FLT3: variants seen among roughly 807,000 people sequenced by gnomAD.
The protein encoded by FLT3 is receptor-type tyrosine-protein kinase FLT3.
In FLT3, 46 loss-of-function variants were observed where a neutral mutation model predicts 126.6. The ratio of observed to expected loss-of-function variants is 0.36; its 90% CI spans 0.29 to 0.46. FLT3 has a LOEUF of 0.46. Ranked by LOEUF, FLT3 falls within the 20% of genes least tolerant of loss-of-function variation. The pLI, the probability that FLT3 is intolerant of heterozygous loss-of-function variation, is 1.00. For missense variants in FLT3, 1,069 were observed against 1,190.3 expected (o/e 0.90, Z 1.50); for synonymous variants, 404 against 434.4 (o/e 0.93, Z 0.87).
At chr13:28,094,242 T>G (rs781712587) in intron 1 of FLT3, among the ~76,000 whole-genome samples, 1 of 152,142 alleles carries the variant, frequency 6.6e-6, no homozygotes, top group East Asian at 1.9e-4. Flanking sequence ...AAAGCATAAC[T>G]CAAATAACAA....
At chr13:28,050,246 T>C in intron 5 of FLT3, 24 bp from the exon 6 acceptor site, 1 of 1,612,432 alleles carries the variant, frequency 6.2e-7, no homozygotes, top group South Asian at 1.1e-5. Flanking sequence ...AGAAGTACCA[T>C]TTGGCTAAAC....
chr13:28,084,046 G>C (rs9554245), intron 1 of FLT3, among the ~76,000 whole-genome samples: 26,416 of 151,578 alleles, frequency 0.17, 2,367 homozygotes, highest in Middle Eastern at 0.27. Context: ...TAAAAGAAAT[G>C]GTGTTTTGCT....
chr13:28,085,115 G>A (rs561111812), intron 1 of FLT3, among the ~76,000 whole-genome samples: 3 of 152,086 alleles, frequency 2.0e-5, no homozygotes, highest in South Asian at 2.1e-4. Flanking sequence ...AGGCCGACAC[G>A]AGCGGATCAC....
At chr13:28,081,549 TAAAG>T (rs1878309021) in intron 1 of FLT3, among the ~76,000 whole-genome samples, 1 of 152,210 alleles carries the variant, frequency 6.6e-6, no homozygotes, top group Admixed American at 6.5e-5. Flanking sequence ...TGTCTGTAAA[TAAAG>T]AGTTTTACAT....
intron 4 of FLT3, among the ~76,000 whole-genome samples, chr13:28,056,883 T>G (rs568489374): frequency 6.6e-6 from 1 of 152,344 alleles, no homozygotes; most frequent in Non-Finnish European, 1.5e-5. Context: ...ATCATTTTCA[T>G]CATCTCAGAA....
In FLT3 at chr13:28,015,630, G is replaced by T. The variant is rs772553557; in HGVS notation, c.2613C>A (p.Val871=). 6 of 1,613,024 alleles carry T rather than the reference G, an allele frequency of 3.7e-6. No individual in the cohort carries two copies. Among genetic ancestry groups the T allele is most frequent in the Non-Finnish European group, 5.1e-6 (6 of 1,179,346 alleles). The change falls in exon 21 of 24, where the codon GTC becomes GTA. Residue 871 remains valine, a synonymous_variant. Coordinates refer to ENST00000241453, the MANE Select transcript of FLT3 (RefSeq NM_004119.3). ...FEGIYTIKSD[V]WSYGILLWEI... is the part of the protein sequence containing the mutation. The stretch of plus-strand genomic sequence containing the variant: ...CCCACAGTAATATTCCATATGACCA[G>T]ACATCACTCTTAATGGTGTAGATGC...
chr13:28,075,495 T>A (rs1593292589), intron 1 of FLT3, among the ~76,000 whole-genome samples: 1 of 151,332 alleles, frequency 6.6e-6, no homozygotes, highest in South Asian at 2.1e-4. Context: ...GAGGCCGAGG[T>A]GGGCAGATCA....
chr13:28,075,436 A>T (rs1236717612), intron 1 of FLT3, among the ~76,000 whole-genome samples: 2 of 152,138 alleles, frequency 1.3e-5, no homozygotes, highest in Admixed American at 6.6e-5. Flanking sequence ...AAATAGATGC[A>T]TCACAAGGCC....
intron 19 of FLT3, among the ~76,000 whole-genome samples, chr13:28,019,832 C>A (rs1872223128): frequency 6.6e-6 from 1 of 152,164 alleles, no homozygotes; most frequent in African/African-American, 2.4e-5. Context: ...TGCTTTCTCC[C>A]CACTGCTCTG....
chr13:28,091,187 T>C (rs1008602845), intron 1 of FLT3, among the ~76,000 whole-genome samples: 1 of 146,146 alleles, frequency 6.8e-6, no homozygotes, highest in African/African-American at 2.5e-5. Context: ...AACTCATTTA[T>C]CCTCTTTGGG....
At chr13:28,025,910 C>A (rs1872752511) in intron 17 of FLT3, among the ~76,000 whole-genome samples, 1 of 152,104 alleles carries the variant, frequency 6.6e-6, no homozygotes, top group Admixed American at 6.5e-5. Context: ...AGGCCAGAGG[C>A]CTGCACTTAA....
At chr13:28,049,219 G>C (rs1875194490) in intron 8 of FLT3, among the ~76,000 whole-genome samples, 165 bp downstream of exon 8, 2 of 152,184 alleles carry the variant, frequency 1.3e-5, no homozygotes, top group South Asian at 4.1e-4. Flanking sequence ...ACGGGAAAAG[G>C]AAGAGGGTGG....
intron 8 of FLT3, 131 bp from the exon 9 acceptor site, chr13:28,048,574 G>A (rs1875119000): frequency 1.5e-6 from 1 of 651,204 alleles, no homozygotes. Flanking sequence ...TGCAGGTCAG[G>A]TTGGATAATC....
chr13:28,055,555 C>G (rs79386735), intron 4 of FLT3, among the ~76,000 whole-genome samples: 4,245 of 152,306 alleles, frequency 0.028, 188 homozygotes, highest in African/African-American at 0.096. Flanking sequence ...TTGTGGTTGA[C>G]TAAACCCTTT....
intron 9 of FLT3, among the ~76,000 whole-genome samples, chr13:28,044,909 C>T (rs1280975630): frequency 6.6e-6 from 1 of 152,182 alleles, no homozygotes; most frequent in East Asian, 1.9e-4. Flanking sequence ...ATTAAACACA[C>T]TTACTGAACA....
At chr13:28,021,123 C>T (rs1205468080) in intron 19 of FLT3, among the ~76,000 whole-genome samples, 1 of 152,156 alleles carries the variant, frequency 6.6e-6, no homozygotes, top group Admixed American at 6.5e-5. Flanking sequence ...GGTACAGTGG[C>T]TCACGCCTGT....
intron 2 of FLT3, among the ~76,000 whole-genome samples, chr13:28,066,653 A>G (rs760849117): frequency 1.3e-5 from 2 of 152,232 alleles, no homozygotes; most frequent in Non-Finnish European, 2.9e-5. Flanking sequence ...CTCTACTGAT[A>G]TAAATAAAAA....
intron 9 of FLT3, among the ~76,000 whole-genome samples, chr13:28,045,974 C>T (rs1241831110): frequency 7.0e-6 from 1 of 142,034 alleles, no homozygotes; most frequent in Non-Finnish European, 1.5e-5. Context: ...TTATTTTTCT[C>T]AATTTGGCAG....
At chr13:28,017,075 G>A (rs1871931293) in intron 20 of FLT3, among the ~76,000 whole-genome samples, 1 of 152,162 alleles carries the variant, frequency 6.6e-6, no homozygotes, top group Non-Finnish European at 1.5e-5. Flanking sequence ...GTAACCATGG[G>A]CGAGTTACTT....
Sources: allele counts gnomAD v4.1 joint callset (sites outside exome capture counted in the v4.1 genomes callset), GRCh38; gene constraint gnomAD v4.1.1; transcripts MANE v1.5; gene names NCBI Gene and HGNC (gene_info 2026-07-23, HGNC 2026-07-21).